NOS1AP: variants seen among roughly 807,000 people sequenced by gnomAD.
NOS1AP encodes the protein carboxyl-terminal PDZ ligand of neuronal nitric oxide synthase protein.
Under a neutral mutation model 56.2 loss-of-function variants are expected in NOS1AP, and 21 were observed. The observed-to-expected ratio is 0.37, with a 90% CI of 0.26 to 0.54. NOS1AP has a LOEUF of 0.54. Ranked by LOEUF, NOS1AP falls within the 20% of genes least tolerant of loss-of-function variation. NOS1AP has a pLI of 0.84. For missense variants in NOS1AP, 522 were observed against 657.8 expected (o/e 0.79, Z 2.26); for synonymous variants, 270 against 274.6 (o/e 0.98, Z 0.17).
chr1:162,153,249 C>G (rs757527410), intron 1 of NOS1AP, among the ~76,000 whole-genome samples: 7 of 152,318 alleles, frequency 4.6e-5, no homozygotes, highest in South Asian at 2.1e-4. Flanking sequence ...ATGCCTCAGC[C>G]TCCCGAGTAG....
At chr1:162,106,354 T>C (rs558011470) in intron 1 of NOS1AP, among the ~76,000 whole-genome samples, 1 of 152,326 alleles carries the variant, frequency 6.6e-6, no homozygotes, top group East Asian at 1.9e-4. Context: ...CAGTTGAAGT[T>C]GCTGAATTCA....
intron 2 of NOS1AP, among the ~76,000 whole-genome samples, chr1:162,244,137 T>C (rs538762030): frequency 6.6e-6 from 1 of 152,242 alleles, no homozygotes; most frequent in East Asian, 1.9e-4. Flanking sequence ...ATCCCTGAAG[T>C]TGAGTGAGTA....
intron 2 of NOS1AP, among the ~76,000 whole-genome samples, chr1:162,245,591 C>T (rs890652482): frequency 6.6e-6 from 1 of 152,206 alleles, no homozygotes; most frequent in South Asian, 2.1e-4. Flanking sequence ...TGTACATGAA[C>T]CTTCATAGCA....
intron 5 of NOS1AP, chr1:162,342,507 TC>T (rs1212519864): frequency 1.7e-5 from 8 of 472,532 alleles, no homozygotes; most frequent in African/African-American, 1.6e-4. Flanking sequence ...CAGCAGTTGT[TC>T]CATGCACAGG....
rs536413975 is a variant in NOS1AP at position 162,128,626 on chromosome 1, T to C, written c.106-25779T>C. On this transcript the variant is annotated intron_variant, in intron 1 of 9. Coordinates refer to ENST00000361897, the MANE Select transcript of NOS1AP (RefSeq NM_014697.3). ...AACCTAAGTGTATTTGTAATCTTCT[T>C]TATTTAATAGAGGATAGATTTTCCT... Among the ~76,000 whole-genome samples, 3 of 152,360 alleles carry C rather than the reference T, an allele frequency of 2.0e-5. No individual in the cohort carries two copies. The East Asian group carries it at 5.8e-4, about 29-fold the overall frequency.
chr1:162,140,327 G>A (rs550220703), intron 1 of NOS1AP, among the ~76,000 whole-genome samples: 3 of 150,202 alleles, frequency 2.0e-5, no homozygotes, highest in Non-Finnish European at 4.4e-5. Flanking sequence ...TAGAATCAAG[G>A]GCACACGTGC....
intron 6 of NOS1AP, among the ~76,000 whole-genome samples, chr1:162,353,439 G>A (rs1450062656): frequency 6.6e-6 from 1 of 152,166 alleles, no homozygotes; most frequent in South Asian, 2.1e-4. Context: ...CAAACCCTCT[G>A]TGTCTGGGGC....
intron 4 of NOS1AP, among the ~76,000 whole-genome samples, chr1:162,301,669 G>T (rs1426119466): frequency 6.6e-6 from 1 of 152,232 alleles, no homozygotes; most frequent in African/African-American, 2.4e-5. Flanking sequence ...AGGAGCTCGA[G>T]TCATGGGTGT....
intron 2 of NOS1AP, among the ~76,000 whole-genome samples, chr1:162,215,005 A>G (rs1652511246): frequency 6.6e-6 from 1 of 152,230 alleles, no homozygotes; most frequent in South Asian, 2.1e-4. Context: ...CACCTTCAAT[A>G]ACAGAAAACA....
At chr1:162,180,479 T>C (rs10918823) in intron 2 of NOS1AP, among the ~76,000 whole-genome samples, 79,624 of 151,958 alleles carry the variant, frequency 0.52, 22,877 homozygotes, top group East Asian at 0.76. Flanking sequence ...CTCCTGACCT[T>C]GTGATCCGCC....
rs983865118 is a variant in NOS1AP, at chr1:162,188,128, G to A, written c.177+33652G>A. Reference sequence around the variant, plus strand: ...TCCCATCTGCCTAGTAGGGAAAGTGGCTGGACTCTTGAAAACTGGGACCAA... The same window carrying A: ...TCCCATCTGCCTAGTAGGGAAAGTGACTGGACTCTTGAAAACTGGGACCAA... On this transcript the variant is annotated intron_variant, in intron 2 of 9. Coordinates refer to ENST00000361897, the MANE Select transcript of NOS1AP (RefSeq NM_014697.3). The surrounding 1 kb of genome is among the most constrained non-coding windows in gnomAD (Gnocchi z 4.0). Among the ~76,000 whole-genome samples the A allele has an allele frequency of 6.6e-6, 1 of 152,120 alleles. No individual in the cohort carries two copies. Among genetic ancestry groups the A allele is most frequent in the Admixed American group, 6.5e-5 (1 of 15,278 alleles).
intron 2 of NOS1AP, among the ~76,000 whole-genome samples, chr1:162,222,900 A>G (rs1027488421): frequency 2.0e-5 from 3 of 152,234 alleles, no homozygotes; most frequent in Admixed American, 2.0e-4. Flanking sequence ...GGTCAAGAGA[A>G]TGGAAGAAAA....
chr1:162,220,461 G>T (rs534234822), intron 2 of NOS1AP, among the ~76,000 whole-genome samples: 1 of 152,070 alleles, frequency 6.6e-6, no homozygotes, highest in Non-Finnish European at 1.5e-5. Context: ...GCCTCCACAT[G>T]GCCCAGCCAA....
At chr1:162,071,891 A>G (rs1691666124) in intron 1 of NOS1AP, among the ~76,000 whole-genome samples, 1 of 152,074 alleles carries the variant, frequency 6.6e-6, no homozygotes, top group Non-Finnish European at 1.5e-5. Flanking sequence ...AAGAAGGGAG[A>G]TAAGATTTAA....
intron 3 of NOS1AP, among the ~76,000 whole-genome samples, chr1:162,299,081 A>G (rs559200095): frequency 1.2e-4 from 18 of 152,384 alleles, no homozygotes; most frequent in African/African-American, 3.6e-4. Context: ...TTGAAGGACT[A>G]CTATGGAGAA....
intron 2 of NOS1AP, among the ~76,000 whole-genome samples, chr1:162,271,394 T>A (rs1421537767): frequency 6.6e-6 from 1 of 151,978 alleles, no homozygotes; most frequent in Non-Finnish European, 1.5e-5. Flanking sequence ...AAATAACTTA[T>A]GGAAAGAAAG....
chr1:162,138,628 G>A (rs1375280933), intron 1 of NOS1AP, among the ~76,000 whole-genome samples: 1 of 152,168 alleles, frequency 6.6e-6, no homozygotes, highest in African/African-American at 2.4e-5. Flanking sequence ...CTGCCTGGGG[G>A]CCATCCAGAA....
At position 162,195,032 on chromosome 1, in the gene NOS1AP, G is replaced by T. The variant is rs1651760610; in HGVS notation, c.177+40556G>T. ...GTGCCTCATAGTAGAGGAAAAGCCA[G>T]AGATGATGTTCTCTGGACTCACGGA... On this transcript the variant is annotated intron_variant, in intron 2 of 9. Coordinates refer to ENST00000361897, the MANE Select transcript of NOS1AP (RefSeq NM_014697.3). 1.3e-5 allele frequency among the ~76,000 whole-genome samples: 2 copies of T among 152,126 alleles called. 1 individual carries two copies. Among genetic ancestry groups the T allele is most frequent in the Non-Finnish European group, 2.9e-5 (2 of 68,028 alleles).
intron 2 of NOS1AP, among the ~76,000 whole-genome samples, chr1:162,221,227 C>A (rs1652757234): frequency 6.6e-6 from 1 of 152,162 alleles, no homozygotes; most frequent in South Asian, 2.1e-4. Flanking sequence ...GCGTGAGCCA[C>A]CGCGCCCAGC....
Sources: allele counts gnomAD v4.1 joint callset (sites outside exome capture counted in the v4.1 genomes callset), GRCh38; gene constraint gnomAD v4.1.1; non-coding constraint Gnocchi (gnomAD v3.1); transcripts MANE v1.5; gene names NCBI Gene and HGNC (gene_info 2026-07-23, HGNC 2026-07-21).